Variants in SUV39H2 observed in about 807,000 individuals in gnomAD.
SUV39H2 encodes the protein histone-lysine N-methyltransferase SUV39H2.
SUV39H2 carries 10 observed loss-of-function variants against 47.5 expected under a neutral mutation model. The ratio of observed to expected loss-of-function variants is 0.21; its 90% CI spans 0.13 to 0.36. SUV39H2 has a LOEUF of 0.36. Among genes scored for constraint, SUV39H2 ranks in the 10% least tolerant of loss-of-function variants. The pLI, the probability that SUV39H2 is intolerant of heterozygous loss-of-function variation, is 1.00. For missense variants in SUV39H2, 266 were observed against 487.4 expected (o/e 0.55, Z 4.28); for synonymous variants, 159 against 166.8 (o/e 0.95, Z 0.36).
At chr10:14,898,607 A>G (rs1002011675) in intron 3 of SUV39H2, 2 of 152,124 alleles carry the variant, frequency 1.3e-5, no homozygotes, top group East Asian at 1.9e-4. Context: ...TTGTTAACCA[A>G]AATTTTTTAA....
At position 14,899,529 on chromosome 10, in the gene SUV39H2, T is replaced by C. The variant is rs911580226; in HGVS notation, c.850-10T>C. On this transcript the variant is annotated splice_polypyrimidine_tract_variant and intron_variant, in intron 3 of 5. Coordinates refer to ENST00000354919, the MANE Select transcript of SUV39H2 (RefSeq NM_001193424.2). ...AGCTACGTAATATACTTACAGTTTT[T>C]TCTGTTTAGGTAATCACAAGTGAAG... is the stretch of plus-strand genomic sequence containing the variant. The C allele has an allele frequency of 6.2e-7, 1 of 1,613,254 alleles. No individual in the cohort carries two copies. The highest frequency in any genetic ancestry group is 1.3e-5 in the African/African-American group (1 of 75,010).
At chr10:14,894,346 G>A (rs376332335) in intron 2 of SUV39H2, among the ~76,000 whole-genome samples, 5 of 106,226 alleles carry the variant, frequency 4.7e-5, no homozygotes, top group Admixed American at 9.8e-5. Flanking sequence ...ATTTTCAAAA[G>A]AAAGCAAAGT....
At chr10:14,884,420 T>C (rs1833141995) in intron 2 of SUV39H2, among the ~76,000 whole-genome samples, 1 of 152,254 alleles carries the variant, frequency 6.6e-6, no homozygotes, top group Non-Finnish European at 1.5e-5. Flanking sequence ...TTCTGACTAA[T>C]GATACTGAGC....
chr10:14,888,175 T>C (rs1355391184), intron 2 of SUV39H2, among the ~76,000 whole-genome samples: 1 of 152,180 alleles, frequency 6.6e-6, no homozygotes, highest in Admixed American at 6.5e-5. Context: ...CTCTGGCTGT[T>C]GTGCCCTGAA....
intron 2 of SUV39H2, among the ~76,000 whole-genome samples, chr10:14,896,212 G>A (rs1243139876): frequency 6.6e-6 from 1 of 152,040 alleles, no homozygotes; most frequent in Non-Finnish European, 1.5e-5. Context: ...CAAAATGCTG[G>A]GATTACAGGC....
chr10:14,881,953 C>A (rs187016176), intron 2 of SUV39H2, among the ~76,000 whole-genome samples: 1 of 152,158 alleles, frequency 6.6e-6, no homozygotes, highest in Non-Finnish European at 1.5e-5. Context: ...GTTCGTGGAT[C>A]GTATTTCCCC....
At chr10:14,888,621 C>T (rs756528642) in intron 2 of SUV39H2, among the ~76,000 whole-genome samples, 5 of 150,084 alleles carry the variant, frequency 3.3e-5, no homozygotes, top group Non-Finnish European at 7.4e-5. Context: ...GGTGACAGAG[C>T]GAGACTCGGT....
At chr10:14,889,964 A>G (rs1164372598) in intron 2 of SUV39H2, among the ~76,000 whole-genome samples, 2 of 152,244 alleles carry the variant, frequency 1.3e-5, no homozygotes, top group African/African-American at 2.4e-5. Context: ...TCCTCTGTAC[A>G]CATTGATGGA....
intron 1 of SUV39H2, among the ~76,000 whole-genome samples, chr10:14,880,400 A>G (rs1833008042): frequency 6.6e-6 from 1 of 152,232 alleles, no homozygotes; most frequent in Non-Finnish European, 1.5e-5. Context: ...GGTGATCGCA[A>G]CTACCTTGGA....
chr10:14,881,216 G>C (rs1425011385), intron 1 of SUV39H2, among the ~76,000 whole-genome samples: 1 of 152,076 alleles, frequency 6.6e-6, no homozygotes, highest in East Asian at 1.9e-4. Context: ...TCTTAAAAAA[G>C]CTTACAGACA....
intron 2 of SUV39H2, among the ~76,000 whole-genome samples, chr10:14,887,550 G>A (rs1833251890): frequency 6.6e-6 from 1 of 152,222 alleles, no homozygotes; most frequent in Admixed American, 6.5e-5. Flanking sequence ...CAAATCAGTA[G>A]TGAGATCTAA....
At chr10:14,899,848 G>A (rs1029271379) in intron 4 of SUV39H2, among the ~76,000 whole-genome samples, 163 bp downstream of exon 4, 3 of 152,160 alleles carry the variant, frequency 2.0e-5, no homozygotes, top group Non-Finnish European at 4.4e-5. Flanking sequence ...TATTATTGCT[G>A]TATTAGGAAA....
At chr10:14,901,686 C>A (rs1207986911) in intron 5 of SUV39H2, among the ~76,000 whole-genome samples, 1 of 151,832 alleles carries the variant, frequency 6.6e-6, no homozygotes, top group African/African-American at 2.4e-5. Flanking sequence ...AAAAAACTAG[C>A]CGGGCGTGGT....
intron 4 of SUV39H2, among the ~76,000 whole-genome samples, chr10:14,900,745 A>C (rs966921399): frequency 1.3e-5 from 2 of 152,124 alleles, no homozygotes; most frequent in Non-Finnish European, 1.5e-5. Flanking sequence ...TTTTAAACAC[A>C]GTTGTTCTAG....
In SUV39H2 at chr10:14,904,280, G is replaced by C. The variant is rs1467398682; in HGVS notation, c.*1768G>C. The C allele has an allele frequency of 2.1e-5, 3 of 143,558 alleles. No individual in the cohort carries two copies. The highest frequency in any genetic ancestry group is 7.0e-5 in the Admixed American group (1 of 14,200). The allele number at this position is 143,558 out of a possible 1,614,324, so 8.9% of individuals were successfully genotyped here. A position where few individuals can be genotyped will look rare whatever the true frequency, so the allele number is the denominator to read the frequency against. ...AGATCATACCACTGCACTGCAGCCT[G>C]AGTGACACAGTAAGACTGTCTCCAA... is the stretch of plus-strand genomic sequence containing the variant. On this transcript the variant is annotated 3_prime_UTR_variant, in exon 6 of 6. Coordinates refer to ENST00000354919, the MANE Select transcript of SUV39H2 (RefSeq NM_001193424.2).
intron 2 of SUV39H2, among the ~76,000 whole-genome samples, chr10:14,885,605 A>T (rs560640403): frequency 1.2e-4 from 18 of 152,066 alleles, no homozygotes; most frequent in African/African-American, 4.1e-4. Context: ...CTTTCTCATC[A>T]GTTCATCCCT....
intron 5 of SUV39H2, among the ~76,000 whole-genome samples, chr10:14,901,545 C>T (rs55801071): frequency 0.4 from 59,549 of 147,360 alleles, 13,237 homozygotes; most frequent in African/African-American, 0.62. Flanking sequence ...TACTACTTGT[C>T]TTTTTTTTTT....
chr10:14,897,694 C>T (rs981110303), intron 3 of SUV39H2, 177 bp downstream of exon 3: 4 of 468,364 alleles, frequency 8.5e-6, no homozygotes, highest in Admixed American at 4.2e-5. Context: ...AAATAAAAAA[C>T]TTTTATATGA....
chr10:14,902,435 G>A lies in SUV39H2; in HGVS notation c.1156G>A (p.Asp386Asn). ...GSGDISSDSI[D>N]HSPAKKRVRT... ...TGGAGATATATCTTCAGATTCTATTGACCACAGCCCAGCCAAAAAGAGGGT... is the reference window on the plus strand; with the variant it reads ...TGGAGATATATCTTCAGATTCTATTAACCACAGCCCAGCCAAAAAGAGGGT... Residue 386 changes from aspartate (D) to asparagine (N), a missense_variant, in exon 6 of 6, where the codon GAC (aspartate) becomes AAC (asparagine). Coordinates refer to ENST00000354919, the MANE Select transcript of SUV39H2 (RefSeq NM_001193424.2). 1 of 1,609,182 alleles carries A rather than the reference G, an allele frequency of 6.2e-7. No individual in the cohort carries two copies. Among genetic ancestry groups the A allele is most frequent in the Non-Finnish European group, 8.5e-7 (1 of 1,178,316 alleles).
Sources: gnomAD v4.1 joint callset for allele counts (sites outside exome capture counted in the v4.1 genomes callset) on GRCh38, gnomAD v4.1.1 for gene constraint, MANE v1.5 for transcripts, NCBI Gene and HGNC (gene_info 2026-07-23, HGNC 2026-07-21) for gene names.